Variants in DLG2 observed in about 807,000 individuals in gnomAD.
DLG2 encodes discs large MAGUK scaffold protein 2, also known as disks large homolog 2.
A neutral mutation model predicts 132.5 loss-of-function variants in DLG2; 45 were observed. That is an observed-to-expected ratio of 0.34 (90% CI 0.27 to 0.44). The LOEUF is 0.44. Among genes scored for constraint, DLG2 ranks in the 20% least tolerant of loss-of-function variants. DLG2 has a pLI of 1.00. For missense variants in DLG2, 1,045 were observed against 1,196.9 expected (o/e 0.87, Z 1.87); for synonymous variants, 424 against 419.6 (o/e 1.01, Z -0.13).
intron 5 of DLG2, among the ~76,000 whole-genome samples, chr11:85,148,153 T>C (rs1013443391): frequency 6.6e-6 from 1 of 152,230 alleles, no homozygotes; most frequent in African/African-American, 2.4e-5. Flanking sequence ...CAGTCTGTAA[T>C]TGATGGGCAT....
At chr11:83,588,557 A>T (rs1165287767) in intron 19 of DLG2, among the ~76,000 whole-genome samples, 1 of 152,012 alleles carries the variant, frequency 6.6e-6, no homozygotes, top group African/African-American at 2.4e-5. Context: ...GAACAGAAAA[A>T]CTGGAAACTC....
intron 6 of DLG2, among the ~76,000 whole-genome samples, chr11:84,942,254 T>C (rs1278736700): frequency 6.6e-6 from 1 of 152,158 alleles, no homozygotes; most frequent in Non-Finnish European, 1.5e-5. Flanking sequence ...CTGATCTTTA[T>C]TTTATTTTAC....
rs2097887666 is a variant in DLG2 at position 84,284,487 on chromosome 11, C to G, written c.520-33196G>C. On this transcript the variant is annotated intron_variant, in intron 7 of 27. Transcript: ENST00000376104. ...TTACAGTGATATCCTACACACACTG[C>G]AGAGTCTCTGGAATCATATGCCCAG... Among the ~76,000 whole-genome samples, 3 of 152,332 alleles carry G rather than the reference C, an allele frequency of 2.0e-5. 1 individual carries two copies. In the South Asian group the frequency reaches 6.2e-4, roughly 32 times the overall value.
At chr11:84,833,661 G>A (rs961396539) in intron 6 of DLG2, among the ~76,000 whole-genome samples, 1 of 151,422 alleles carries the variant, frequency 6.6e-6, no homozygotes, top group Admixed American at 6.6e-5. Context: ...CAGTTGTGGG[G>A]GGGTGGGCAA....
At chr11:85,441,638 A>T (rs959448761) in intron 3 of DLG2, among the ~76,000 whole-genome samples, 90 of 152,290 alleles carry the variant, frequency 5.9e-4, no homozygotes, top group African/African-American at 2.1e-3. Context: ...ACTCTTGTGG[A>T]CTTTATAGCT....
intron 6 of DLG2, among the ~76,000 whole-genome samples, chr11:84,752,618 G>T: frequency 7.4e-6 from 1 of 135,978 alleles, no homozygotes; most frequent in Non-Finnish European, 1.6e-5. Flanking sequence ...TGCACATTGT[G>T]CAGGTTAGTT....
intron 4 of DLG2, among the ~76,000 whole-genome samples, chr11:85,272,619 T>G (rs1370349082): frequency 1.3e-5 from 2 of 152,022 alleles, no homozygotes; most frequent in Non-Finnish European, 2.9e-5. Flanking sequence ...CACAAACAAA[T>G]GGAAGAACAT....
intron 7 of DLG2, among the ~76,000 whole-genome samples, chr11:84,398,355 C>T (rs1601427210): frequency 2.0e-5 from 3 of 151,894 alleles, no homozygotes; most frequent in Admixed American, 1.3e-4. Context: ...AAAGAGAAGA[C>T]GATATTAGTA....
In DLG2 at chr11:83,802,457, TA is replaced by T. The variant is rs201295524; in HGVS notation, c.1723-15666del. On this transcript the variant is annotated intron_variant, in intron 17 of 27. Coordinates refer to ENST00000376104, the MANE Select transcript of DLG2 (RefSeq NM_001142699.3). ...AGATCCTTTCTCTGGTGGATGGTGG[TA>T]AGAAAAAAGCCTTCTGAATTTGCTC... 7.6e-3 allele frequency among the ~76,000 whole-genome samples: 1,153 copies of T among 152,266 alleles called. 14 individuals carry two copies. Among genetic ancestry groups the T allele is most frequent in the African/African-American group, 0.027 (1,102 of 41,564 alleles).
chr11:84,747,879 A>G (rs1029554293), intron 6 of DLG2, among the ~76,000 whole-genome samples: 4 of 152,192 alleles, frequency 2.6e-5, no homozygotes, highest in African/African-American at 9.7e-5. Context: ...AACAGAATAG[A>G]AAAGTTCTGC....
At chr11:84,784,366 A>AAATTAATTAATTAATT (rs1391734254) in intron 6 of DLG2, among the ~76,000 whole-genome samples, 1 of 147,406 alleles carries the variant, frequency 6.8e-6, no homozygotes, top group Admixed American at 6.8e-5. Context: ...ATAAATAAAT[A>AAATTAATTAATTAATT]AATTAAACAA....
chr11:84,509,199 G>C (rs2099250553), intron 7 of DLG2, among the ~76,000 whole-genome samples: 2 of 152,182 alleles, frequency 1.3e-5, no homozygotes, highest in African/African-American at 2.4e-5. Flanking sequence ...CTGTGACCTT[G>C]CATAAAGTCT....
chr11:83,725,246 C>A, intron 18 of DLG2: 1 of 232,754 alleles, frequency 4.3e-6, no homozygotes, highest in Non-Finnish European at 8.4e-6. Context: ...CCTGGGGAGG[C>A]TGCTGAAGGA....
intron 4 of DLG2, among the ~76,000 whole-genome samples, chr11:85,279,915 G>A (rs1311622890): frequency 2.0e-5 from 3 of 152,052 alleles, no homozygotes; most frequent in Non-Finnish European, 4.4e-5. Flanking sequence ...AGGTTTAAAT[G>A]AGAAGATATT....
intron 6 of DLG2, among the ~76,000 whole-genome samples, chr11:84,541,447 T>C (rs961220504): frequency 2.0e-5 from 3 of 152,080 alleles, no homozygotes; most frequent in Non-Finnish European, 4.4e-5. Context: ...TTATCAGATT[T>C]AGTGTTGCCT....
chr11:83,731,742 A>G lies in DLG2; in HGVS notation c.1825+54948T>C, dbSNP rs537092036. On this transcript the variant is annotated intron_variant, in intron 18 of 27. Coordinates refer to ENST00000376104, the MANE Select transcript of DLG2 (RefSeq NM_001142699.3). ...TCTTCCACAATGGTTGAAATAATTG[A>G]CATTCCCACCAACAGTGTAAAAGCA... Among the ~76,000 whole-genome samples, 8 of 152,322 alleles carry G rather than the reference A, an allele frequency of 5.3e-5. No individual in the cohort carries two copies. In the South Asian group the frequency reaches 1.7e-3, roughly 32 times the overall value.
intron 3 of DLG2, among the ~76,000 whole-genome samples, chr11:85,562,009 A>G (rs2077278231): frequency 6.6e-6 from 1 of 151,864 alleles, no homozygotes; most frequent in Admixed American, 6.6e-5. Flanking sequence ...ACTTATCTGC[A>G]GGTTGAGTTA....
intron 20 of DLG2, among the ~76,000 whole-genome samples, chr11:83,533,547 A>T (rs144397932): frequency 6.1e-4 from 93 of 152,334 alleles, no homozygotes; most frequent in South Asian, 1.4e-3. Flanking sequence ...AGTAGAAAGC[A>T]TTAGGATGGG....
At chr11:84,124,136 A>G (rs2094051805) in intron 9 of DLG2, among the ~76,000 whole-genome samples, 1 of 152,214 alleles carries the variant, frequency 6.6e-6, no homozygotes, top group African/African-American at 2.4e-5. Flanking sequence ...TGGGGCCACA[A>G]AGCCTATTCA....
Sources: allele counts gnomAD v4.1 joint callset (sites outside exome capture counted in the v4.1 genomes callset), GRCh38; gene constraint gnomAD v4.1.1; transcripts MANE v1.5; gene names NCBI Gene and HGNC (gene_info 2026-07-23, HGNC 2026-07-21).